SLC9C2: variants seen among roughly 807,000 people sequenced by gnomAD.
SLC9C2 encodes the protein solute carrier family 9 member C2 (putative), also known as sodium/hydrogen exchanger 11.
In SLC9C2, 75 loss-of-function variants were observed where a neutral mutation model predicts 140.2. The ratio of observed to expected loss-of-function variants is 0.53; its 90% CI spans 0.44 to 0.65. The LOEUF is 0.65. SLC9C2 is among the 30% of genes least tolerant of loss of function. The pLI is 0.00. For synonymous variants in SLC9C2, 375 were observed against 420.9 expected, an observed-to-expected ratio of 0.89 and a Z score of 1.34; for missense variants, 1,074 against 1,331.8, an observed-to-expected ratio of 0.81 and a Z score of 3.01.
intron 9 of SLC9C2, among the ~76,000 whole-genome samples, chr1:173,567,012 C>A (rs1664515869): frequency 6.6e-6 from 1 of 151,860 alleles, no homozygotes; most frequent in South Asian, 2.1e-4. Context: ...TTATTGATTT[C>A]TTGTTTTATT....
chr1:173,523,912 GA>G, intron 21 of SLC9C2, 56 bp downstream of exon 21: 11 of 1,561,164 alleles, frequency 7.0e-6, no homozygotes, highest in Middle Eastern at 1.7e-4. Context: ...TTAGGGAGTG[GA>G]AAAAAATGGA....
At chr1:173,585,579 C>T (rs1017704413) in intron 5 of SLC9C2, among the ~76,000 whole-genome samples, 4 of 152,068 alleles carry the variant, frequency 2.6e-5, no homozygotes, top group Non-Finnish European at 4.4e-5. Flanking sequence ...CTACTGGATC[C>T]AGAATCTATC....
intron 6 of SLC9C2, among the ~76,000 whole-genome samples, chr1:173,583,132 T>C (rs1422987158): frequency 6.6e-6 from 1 of 152,232 alleles, no homozygotes; most frequent in East Asian, 1.9e-4. Context: ...AAACCTTGGA[T>C]ATAAAATAGC....
intron 8 of SLC9C2, among the ~76,000 whole-genome samples, chr1:173,573,739 T>C (rs1281688457): frequency 1.3e-5 from 2 of 152,220 alleles, no homozygotes; most frequent in African/African-American, 4.8e-5. Context: ...ATCATCTCAA[T>C]GCTCTCTGCA....
In SLC9C2 at chr1:173,523,913, A is replaced by G. The variant is rs1350698445; in HGVS notation, c.2640+56T>C. On this transcript the variant is annotated intron_variant, in intron 21 of 27. Transcript: ENST00000367714. The stretch of plus-strand genomic sequence containing the variant: ...CTGTTAATCTTTCATTAGGGAGTGG[A>G]AAAAAATGGATAATTACCATCAAAC... 32 of 1,549,908 alleles carry G rather than the reference A, an allele frequency of 2.1e-5. 1 individual carries two copies. The South Asian group carries it at 3.7e-4, about 18-fold the overall frequency.
intron 11 of SLC9C2, among the ~76,000 whole-genome samples, chr1:173,549,606 C>A (rs1018324116): frequency 2.6e-5 from 4 of 152,088 alleles, no homozygotes; most frequent in African/African-American, 4.8e-5. Context: ...TGAGGAGGGA[C>A]CTTTTAAAAG....
intron 13 of SLC9C2, 38 bp downstream of exon 13, chr1:173,547,651 G>T: frequency 6.6e-7 from 1 of 1,524,098 alleles, no homozygotes; most frequent in Non-Finnish European, 9.0e-7. Flanking sequence ...GACATTGCAA[G>T]AAAGGAAATT....
chr1:173,530,021 C>T lies in SLC9C2; in HGVS notation c.2197G>A (p.Val733Met). Residue 733 changes from valine (V) to methionine (M), a missense_variant, in exon 18 of 28, where the codon GTG becomes ATG. By Grantham distance (21) the Val-to-Met change is conservative. Transcript: ENST00000367714. ...IVPILIRIAD[V>M]QIKKRLSLMY... ...AAGCTGAGGCGCTTTTTGATCTGCA[C>T]ATCTGCAATTCTTATCAGTATTGGT... 2 of 1,612,330 alleles carry T rather than the reference C, an allele frequency of 1.2e-6. No individual in the cohort carries two copies. Among genetic ancestry groups the T allele is most frequent in the Non-Finnish European group, 1.7e-6 (2 of 1,179,624 alleles).
intron 18 of SLC9C2, 27 bp downstream of exon 18, chr1:173,529,878 C>A: frequency 6.3e-7 from 1 of 1,587,320 alleles, no homozygotes; most frequent in Non-Finnish European, 8.5e-7. Context: ...GGTTTTTCTC[C>A]CCAAATGACC....
intron 1 of SLC9C2, among the ~76,000 whole-genome samples, chr1:173,602,511 G>T (rs1261003827): frequency 3.3e-5 from 5 of 152,086 alleles, no homozygotes; most frequent in Non-Finnish European, 7.4e-5. Flanking sequence ...TTAGAAAAAG[G>T]CCCCCTTCCT....
chr1:173,505,353 T>A (rs747689138), intron 25 of SLC9C2, 22 bp from the exon 26 acceptor site: 1 of 1,584,984 alleles, frequency 6.3e-7, no homozygotes, highest in Admixed American at 1.7e-5. Flanking sequence ...AAGTCAAAAT[T>A]AGTCAAAAGA....
At chr1:173,533,486 C>T (rs1661730129) in intron 17 of SLC9C2, 123 bp downstream of exon 17, 1 of 661,534 alleles carries the variant, frequency 1.5e-6, no homozygotes, top group African/African-American at 1.8e-5. Context: ...GCTATGTTAC[C>T]CAGGTTGTCT....
In SLC9C2 at chr1:173,521,305, G is replaced by C; in HGVS notation, c.2735C>G (p.Ala912Gly). 1 of 1,481,106 alleles carries C rather than the reference G, an allele frequency of 6.8e-7. No individual in the cohort carries two copies. The highest frequency in any genetic ancestry group is 9.0e-7 in the Non-Finnish European group (1 of 1,107,222). The allele number at this position is 1,481,106 out of a possible 1,614,324, so 91.7% of individuals were successfully genotyped here. Residue 912 changes from alanine (A) to glycine (G), a missense_variant, in exon 22 of 28, where the codon GCA becomes GGA. Physicochemically the swap from Ala to Gly is moderately conservative, Grantham distance 60 (BLOSUM62 0). Transcript: ENST00000367714. The part of the protein sequence containing the change: ...QGIYLIISGM[A>G]ILHSLSPTFG... ...AAAAAATCAATAGTCCCTTACAATT[G>C]CCATTCCTGAAATAATTAAGTAGAT...
chr1:173,514,181 G>C (rs1411604496), intron 23 of SLC9C2, among the ~76,000 whole-genome samples: 3 of 152,174 alleles, frequency 2.0e-5, no homozygotes, highest in Non-Finnish European at 4.4e-5. Context: ...AGTTCCACTT[G>C]ATCCAGAGCT....
intron 5 of SLC9C2, 103 bp downstream of exon 5, chr1:173,587,562 C>G (rs1419035245): frequency 1.8e-6 from 2 of 1,137,266 alleles, no homozygotes; most frequent in Non-Finnish European, 1.2e-6. Flanking sequence ...AGCACAGAGT[C>G]TTATTCTTCT....
In SLC9C2 at chr1:173,500,999, T is replaced by C; in HGVS notation, c.*95A>G. The C allele has an allele frequency of 7.6e-7, 1 of 1,322,400 alleles. No individual in the cohort carries two copies. Among genetic ancestry groups the C allele is most frequent in the Non-Finnish European group, 9.9e-7 (1 of 1,012,996 alleles). The allele number at this position is 1,322,400 out of a possible 1,614,324, so 81.9% of individuals were successfully genotyped here. ...AGTAAACTCCTTGCAGATAATCCTT[T>C]AGTATTTGAGCGAGGAAAGTAGTTT... On this transcript the variant is annotated 3_prime_UTR_variant, in exon 28 of 28. Transcript: ENST00000367714.
chr1:173,557,383 T>C lies in SLC9C2; in HGVS notation c.1172A>G (p.Asp391Gly). The C allele has an allele frequency of 6.2e-7, 1 of 1,613,898 alleles. No homozygotes were observed. Among genetic ancestry groups the C allele is most frequent in the South Asian group, 1.1e-5 (1 of 91,030 alleles). The change falls in exon 10 of 28, where the codon GAT (aspartate) becomes GGT (glycine). Residue 391 changes from aspartate (D) to glycine (G), a missense_variant. By Grantham distance (94) the Asp-to-Gly change is moderately conservative. Transcript: ENST00000367714. ...KGVFNLLWAPDVYNLAERKVE... is the reference protein window; with the variant it reads ...KGVFNLLWAPGVYNLAERKVE... Reference sequence around the variant, plus strand: ...TTTTCGTTCAGCGAGATTATAAACATCAGGAGCCCAGAGTAAATTAAAAAC... The same window carrying C: ...TTTTCGTTCAGCGAGATTATAAACACCAGGAGCCCAGAGTAAATTAAAAAC...
chr1:173,582,055 C>T (rs761619139), intron 6 of SLC9C2, 47 bp from the exon 7 acceptor site: 63 of 1,382,686 alleles, frequency 4.6e-5, no homozygotes, highest in Non-Finnish European at 5.4e-5. Flanking sequence ...TGAGCTATAA[C>T]TTTTGTCTCT....
chr1:173,600,078 T>A, intron 3 of SLC9C2, 39 bp downstream of exon 3: 1 of 1,426,504 alleles, frequency 7.0e-7, no homozygotes. Context: ...ATTTTTGGCA[T>A]TTTTTCCTTT....
Sources: gnomAD v4.1 joint callset for allele counts (sites outside exome capture counted in the v4.1 genomes callset) on GRCh38, gnomAD v4.1.1 for gene constraint, MANE v1.5 for transcripts, NCBI Gene and HGNC (gene_info 2026-07-23, HGNC 2026-07-21) for gene names.